The following CDH4 variants were observed in gnomAD, a reference collection of about 807,000 sequenced individuals.
CDH4 encodes cadherin-4.
In CDH4, 33 loss-of-function variants were observed where a neutral mutation model predicts 86.0. The ratio of observed to expected loss-of-function variants is 0.38; its 90% CI spans 0.29 to 0.51. The LOEUF is 0.51. Among genes scored for constraint, CDH4 ranks in the 20% least tolerant of loss-of-function variants. The pLI, the probability that CDH4 is intolerant of heterozygous loss-of-function variation, is 0.86. For synonymous variants in CDH4, 555 were observed against 549.4 expected, an observed-to-expected ratio of 1.01 and a Z score of -0.14; for missense variants, 1,114 against 1,307.4, an observed-to-expected ratio of 0.85 and a Z score of 2.28.
At chr20:61,312,651 C>T (rs1481123827) in intron 2 of CDH4, among the ~76,000 whole-genome samples, 1 of 152,188 alleles carries the variant, frequency 6.6e-6, no homozygotes, top group Non-Finnish European at 1.5e-5. Flanking sequence ...CTACTGTGGT[C>T]ATCTCTGATG....
chr20:61,772,509 C>T (rs1470209365), intron 3 of CDH4, among the ~76,000 whole-genome samples: 1 of 152,090 alleles, frequency 6.6e-6, no homozygotes, highest in Non-Finnish European at 1.5e-5. Context: ...AACAACATTC[C>T]ATTTGATTTT....
intron 3 of CDH4, among the ~76,000 whole-genome samples, chr20:61,757,220 C>T (rs1347136754): frequency 6.7e-6 from 1 of 148,506 alleles, no homozygotes; most frequent in Non-Finnish European, 1.5e-5. Context: ...TGTTTCTCCA[C>T]ATCAGAACAC....
chr20:61,654,924 AGCCAGCCTCGCTCTGGACAGGGACACG>A (rs2087171054), intron 2 of CDH4, among the ~76,000 whole-genome samples: 1 of 62,376 alleles, frequency 1.6e-5, no homozygotes, highest in Non-Finnish European at 5.0e-5. Context: ...CGGGGGCCTG[AGCCAGCCTCGCTCTGGACAGGGACACG>A]GGGGCCTGAG....
intron 2 of CDH4, among the ~76,000 whole-genome samples, chr20:61,704,539 G>T (rs1381716344): frequency 6.6e-6 from 1 of 152,164 alleles, no homozygotes; most frequent in Non-Finnish European, 1.5e-5. Context: ...GAGCCAGGTT[G>T]CTTGGCAGGG....
At chr20:61,396,677 G>T (rs6142817) in intron 2 of CDH4, among the ~76,000 whole-genome samples, 1 of 151,930 alleles carries the variant, frequency 6.6e-6, no homozygotes, top group African/African-American at 2.4e-5. Context: ...TGTCTCCAGC[G>T]TCTCCACGTT....
chr20:61,710,329 G>A (rs1419685732), intron 2 of CDH4, among the ~76,000 whole-genome samples: 2 of 152,204 alleles, frequency 1.3e-5, no homozygotes, highest in African/African-American at 2.4e-5. Flanking sequence ...CTGCCGATTG[G>A]TTCTCTGGGC....
chr20:61,750,607 C>T (rs1271081650), intron 3 of CDH4, among the ~76,000 whole-genome samples: 1 of 152,200 alleles, frequency 6.6e-6, no homozygotes, highest in Non-Finnish European at 1.5e-5. Context: ...AAGTTTTGTC[C>T]TCCCAAATCC....
chr20:61,282,097 G>A (rs1310607344), intron 2 of CDH4, among the ~76,000 whole-genome samples: 2 of 152,196 alleles, frequency 1.3e-5, no homozygotes, highest in Admixed American at 1.3e-4. Flanking sequence ...GGTGGCTCAC[G>A]CCTGTAATCC....
At chr20:61,428,785 T>C (rs74388986) in intron 2 of CDH4, among the ~76,000 whole-genome samples, 2,924 of 152,328 alleles carry the variant, frequency 0.019, 88 homozygotes, top group African/African-American at 0.065. Context: ...TATGTATATG[T>C]ATACTTTAAT....
intron 4 of CDH4, among the ~76,000 whole-genome samples, chr20:61,787,720 G>T (rs1978957245): frequency 6.6e-6 from 1 of 152,228 alleles, no homozygotes. Flanking sequence ...GGATGCCATT[G>T]AAGTTTGATT....
At chr20:61,454,152 G>T (rs1454662925) in intron 2 of CDH4, among the ~76,000 whole-genome samples, 1 of 152,226 alleles carries the variant, frequency 6.6e-6, no homozygotes, top group Non-Finnish European at 1.5e-5. Flanking sequence ...AAATTCCGCA[G>T]CATGAGTCTG....
At chr20:61,323,383 C>T (rs989026848) in intron 2 of CDH4, among the ~76,000 whole-genome samples, 31 of 152,212 alleles carry the variant, frequency 2.0e-4, no homozygotes, top group African/African-American at 7.5e-4. Context: ...CGAGTGAGTG[C>T]TTCACCTCCA....
At chr20:61,604,068 C>T (rs564430871) in intron 2 of CDH4, among the ~76,000 whole-genome samples, 1 of 152,324 alleles carries the variant, frequency 6.6e-6, no homozygotes, top group South Asian at 2.1e-4. Context: ...CCGAGCCTCC[C>T]CTTACCCACA....
intron 2 of CDH4, among the ~76,000 whole-genome samples, chr20:61,565,104 T>TTGGTGATGGGGAGG (rs2086258872): frequency 7.7e-5 from 4 of 52,130 alleles, no homozygotes; most frequent in African/African-American, 3.2e-4. Flanking sequence ...GGTGGTGCTC[T>TTGGTGATGGGGAGG]TGGTGGTGCT....
chr20:61,395,846 T>C (rs1394682418), intron 2 of CDH4, among the ~76,000 whole-genome samples: 1 of 152,160 alleles, frequency 6.6e-6, no homozygotes, highest in Non-Finnish European at 1.5e-5. Flanking sequence ...GCTATCGGGG[T>C]ATTATCTGAA....
At chr20:61,921,260 C>A (rs569628121) in intron 9 of CDH4, among the ~76,000 whole-genome samples, 30 of 149,912 alleles carry the variant, frequency 2.0e-4, no homozygotes, top group Non-Finnish European at 4.1e-4. Context: ...ACGGTGATTG[C>A]GTGGAAGCGT....
At chr20:61,699,137 C>T (rs1428116254) in intron 2 of CDH4, among the ~76,000 whole-genome samples, 1 of 152,266 alleles carries the variant, frequency 6.6e-6, no homozygotes, top group Non-Finnish European at 1.5e-5. Flanking sequence ...TTGTTAGAAC[C>T]TTACTATGAA....
chr20:61,282,517 C>T (rs2084264257), intron 2 of CDH4, among the ~76,000 whole-genome samples: 1 of 150,506 alleles, frequency 6.6e-6, no homozygotes, highest in Non-Finnish European at 1.5e-5. Context: ...CTGAACAAAC[C>T]ACTTTTAATC....
chr20:61,277,889 G>A (rs1033270948), intron 2 of CDH4, among the ~76,000 whole-genome samples: 7 of 152,226 alleles, frequency 4.6e-5, no homozygotes, highest in Non-Finnish European at 8.8e-5. Flanking sequence ...GGGGAGGGCC[G>A]GCTTTTCCAG....
Sources: gnomAD v4.1 joint callset for allele counts (sites outside exome capture counted in the v4.1 genomes callset) on GRCh38, gnomAD v4.1.1 for gene constraint, MANE v1.5 for transcripts, NCBI Gene and HGNC (gene_info 2026-07-23, HGNC 2026-07-21) for gene names.